The following ARHGEF37 variants were observed in gnomAD, a reference collection of about 807,000 sequenced individuals.
The protein encoded by ARHGEF37 is Rho guanine nucleotide exchange factor (GEF) 37.
In ARHGEF37, 55 loss-of-function variants were observed where a neutral mutation model predicts 71.1. That is an observed-to-expected ratio of 0.77 (90% CI 0.62 to 0.97). The LOEUF is 0.97. ARHGEF37 is among the 50% of genes least tolerant of loss of function. ARHGEF37 has a pLI of 0.00. For missense variants in ARHGEF37, 765 were observed against 836.8 expected, an observed-to-expected ratio of 0.91 and a Z score of 1.06; for synonymous variants, 327 against 350.6, an observed-to-expected ratio of 0.93 and a Z score of 0.75.
chr5:149,556,291 G>A (rs973676733), intron 1 of ARHGEF37, among the ~76,000 whole-genome samples: 1 of 152,100 alleles, frequency 6.6e-6, no homozygotes, highest in Non-Finnish European at 1.5e-5. Flanking sequence ...CCTCCCGGGT[G>A]CAAGTGATTC....
intron 10 of ARHGEF37, among the ~76,000 whole-genome samples, chr5:149,624,900 G>GTTTTTTTT (rs70973533): frequency 7.5e-6 from 1 of 134,070 alleles, no homozygotes; most frequent in African/African-American, 2.8e-5. Flanking sequence ...ATGCTTTTGG[G>GTTTTTTTT]TTTTTTTTTT....
At chr5:149,615,847 G>A (rs760935421) in intron 4 of ARHGEF37, among the ~76,000 whole-genome samples, 21 of 152,096 alleles carry the variant, frequency 1.4e-4, no homozygotes, top group Non-Finnish European at 2.6e-4. Context: ...AGCCGAGATC[G>A]CACCACTGCA....
chr5:149,632,396 G>A lies in ARHGEF37; in HGVS notation c.*205G>A, dbSNP rs1752912957. 3.3e-6 allele frequency: 2 copies of A among 601,074 alleles called. No individual in the cohort carries two copies. Among genetic ancestry groups the A allele is most frequent in the Non-Finnish European group, 5.9e-6 (2 of 341,300 alleles). 37.2% of individuals were successfully genotyped at this position (601,074 alleles called of 1,614,324 possible). Reference sequence around the variant, plus strand: ...TGGGGGCACAGGAGGCTCCAGCCAGGACTGCTCATTATGTCTGCATAAAGA... The same window carrying A: ...TGGGGGCACAGGAGGCTCCAGCCAGAACTGCTCATTATGTCTGCATAAAGA... On this transcript the variant is annotated 3_prime_UTR_variant, in exon 13 of 13. Coordinates refer to ENST00000333677, the MANE Select transcript of ARHGEF37 (RefSeq NM_001001669.3).
chr5:149,618,757 G>A (rs1485679649), intron 6 of ARHGEF37, among the ~76,000 whole-genome samples, 181 bp from the exon 7 acceptor site: 4 of 152,152 alleles, frequency 2.6e-5, no homozygotes, highest in African/African-American at 9.7e-5. Context: ...TTGTGTATCC[G>A]ATTCCATGCT....
chr5:149,608,394 G>A (rs1763976829), intron 3 of ARHGEF37, among the ~76,000 whole-genome samples: 1 of 150,188 alleles, frequency 6.7e-6, no homozygotes, highest in Admixed American at 6.6e-5. Context: ...TTTTTGAGAT[G>A]GTGTCTTGCT....
At position 149,628,663 on chromosome 5, in the gene ARHGEF37, G is replaced by C. The variant is rs547717987; in HGVS notation, c.1661-146G>C. 5 of 1,055,892 alleles carry C rather than the reference G, an allele frequency of 4.7e-6. No individual in the cohort carries two copies. In the East Asian group the frequency reaches 1.3e-4, roughly 28 times the overall value. The allele number at this position is 1,055,892 out of a possible 1,614,324, so 65.4% of individuals were successfully genotyped here. On this transcript the variant is annotated intron_variant, in intron 11 of 12. Transcript: ENST00000333677. ...GCCAGAAACGGTGAGTGTGGGGCAG[G>C]GGGGTTCAGGGTTCCTAGATGACCT...
At chr5:149,612,761 G>A (rs760268596) in intron 4 of ARHGEF37, among the ~76,000 whole-genome samples, 4 of 152,158 alleles carry the variant, frequency 2.6e-5, no homozygotes, top group African/African-American at 4.8e-5. Context: ...AAATGCCTGC[G>A]GCATTACTTT....
intron 1 of ARHGEF37, among the ~76,000 whole-genome samples, chr5:149,554,902 G>A (rs1178303546): frequency 6.6e-6 from 1 of 152,056 alleles, no homozygotes; most frequent in African/African-American, 2.4e-5. Flanking sequence ...GGAGGCCAAG[G>A]CAGGCGGATC....
At position 149,631,998 on chromosome 5, in the gene ARHGEF37, C is replaced by G. The variant is rs1387024104; in HGVS notation, c.1835C>G (p.Pro612Arg). ...GTGTTTCAGGTCATAGCCGCGTACC[C>G]TTTTGTGGCCAGAAGCAGCCATGAA... ...PTMNQVIAAY[P>R]FVARSSHEVS... Residue 612 changes from proline to arginine, a missense_variant, in exon 13 of 13, where the codon CCT becomes CGT. Pro to Arg is a moderately radical substitution (Grantham distance 103). Transcript: ENST00000333677. 8 of 1,614,258 alleles carry G rather than the reference C, an allele frequency of 5.0e-6. No individual in the cohort carries two copies. In the East Asian group the frequency reaches 1.3e-4, roughly 27 times the overall value.
rs939901777 is a variant in ARHGEF37 at position 149,634,707 on chromosome 5, C to T, written c.*2516C>T. On this transcript the variant is annotated 3_prime_UTR_variant, in exon 13 of 13. Transcript: ENST00000333677. Reference sequence around the variant, plus strand: ...CTTATTTATTTAACCGTTGGGCTGTCTCATACTAAACTTGCAAAGATATTT... The same window carrying T: ...CTTATTTATTTAACCGTTGGGCTGTTTCATACTAAACTTGCAAAGATATTT... 6 of 152,606 alleles carry T rather than the reference C, an allele frequency of 3.9e-5. No individual in the cohort carries two copies. The highest frequency in any genetic ancestry group is 1.2e-4 in the African/African-American group (5 of 41,444). 9.5% of individuals were successfully genotyped at this position (152,606 alleles called of 1,614,324 possible).
At chr5:149,620,205 T>C in intron 7 of ARHGEF37, 149 bp from the exon 8 acceptor site, 1 of 525,434 alleles carries the variant, frequency 1.9e-6, no homozygotes, top group Non-Finnish European at 3.4e-6. Flanking sequence ...ACTTAAGCTG[T>C]GTGAGAATAG....
intron 1 of ARHGEF37, among the ~76,000 whole-genome samples, chr5:149,584,856 A>G (rs2113270946): frequency 6.6e-6 from 1 of 152,240 alleles, no homozygotes; most frequent in East Asian, 1.9e-4. Context: ...TCCTGAGCTC[A>G]GATGATCTGC....
upstream of ARHGEF37, chr5:149,551,657 C>T (rs918594500): frequency 4.6e-5 from 7 of 152,384 alleles, no homozygotes; most frequent in African/African-American, 1.7e-4. Context: ...GCAGGTGTTA[C>T]CTGTTACTCG....
chr5:149,554,188 C>T (rs1402690974), intron 1 of ARHGEF37, among the ~76,000 whole-genome samples: 4 of 151,596 alleles, frequency 2.6e-5, no homozygotes, highest in East Asian at 1.9e-4. Context: ...TTGAAAGCTG[C>T]GTACGGTGGC....
Position 149,565,738 on chromosome 5 carries a change from T to C in ARHGEF37, c.-12+13615T>C, listed in dbSNP as rs575929090. ...ACAGCCTAGATCTAGACTATACTACTGATCAGACAGGGCCTTTCATGGTCA... is the reference window on the plus strand; with the variant it reads ...ACAGCCTAGATCTAGACTATACTACCGATCAGACAGGGCCTTTCATGGTCA... On this transcript the variant is annotated intron_variant, in intron 1 of 2. Coordinates refer to the ARHGEF37 transcript ENST00000505810. Among the ~76,000 whole-genome samples, 2 of 151,346 alleles carry C rather than the reference T, an allele frequency of 1.3e-5. 1 individual carries two copies. The highest frequency in any genetic ancestry group is 4.2e-4 in the South Asian group (2 of 4,796).
chr5:149,579,845 G>A (rs1049084384), upstream of ARHGEF37, among the ~76,000 whole-genome samples: 3 of 152,068 alleles, frequency 2.0e-5, no homozygotes, highest in African/African-American at 7.3e-5. Flanking sequence ...GCCTCCCAAA[G>A]TGCCAAAGGG....
At chr5:149,590,747 C>T (rs1037113001) in intron 1 of ARHGEF37, among the ~76,000 whole-genome samples, 1 of 152,084 alleles carries the variant, frequency 6.6e-6, no homozygotes, top group African/African-American at 2.4e-5. Context: ...CAGATGTGCA[C>T]CACCACACCC....
rs375698000 is a variant in ARHGEF37 at position 149,597,787 on chromosome 5, C to G, written c.18C>G (p.Ala6=). The change falls in exon 2 of 13, where the codon GCC becomes GCG. Residue 6 remains alanine (A), a synonymous_variant. Transcript: ENST00000333677. ...CTGCTGACATGGCCAAGCATGGAGC[C>G]GACGAGCCATCCTCCAGGTCAGGGA... MAKHG[A]DEPSSRSGSP... The G allele has an allele frequency of 6.4e-7, 1 of 1,566,576 alleles. No individual in the cohort carries two copies. The highest frequency in any genetic ancestry group is 8.6e-7 in the Non-Finnish European group (1 of 1,158,666).
At chr5:149,554,860 C>T (rs1481297943) in intron 1 of ARHGEF37, among the ~76,000 whole-genome samples, 12 of 152,036 alleles carry the variant, frequency 7.9e-5, no homozygotes, top group Admixed American at 1.3e-4. Context: ...AGGCCAGGCA[C>T]GGTGGCTCAC....
Sources: gnomAD v4.1 joint callset for allele counts (sites outside exome capture counted in the v4.1 genomes callset) on GRCh38, gnomAD v4.1.1 for gene constraint, MANE v1.5 for transcripts, NCBI Gene and HGNC (gene_info 2026-07-23, HGNC 2026-07-21) for gene names.